Variants in KIF3C observed in about 807,000 individuals in gnomAD.
KIF3C encodes the protein kinesin family member 3C.
KIF3C carries 12 observed loss-of-function variants against 67.7 expected under a neutral mutation model. The ratio of observed to expected loss-of-function variants is 0.18; its 90% CI spans 0.11 to 0.29. The LOEUF is 0.29. Among genes scored for constraint, KIF3C ranks in the 10% least tolerant of loss-of-function variants. The pLI, the probability that KIF3C is intolerant of heterozygous loss-of-function variation, is 1.00. For missense variants in KIF3C, 789 were observed against 1,059.6 expected (o/e 0.74, Z 3.55); for synonymous variants, 393 against 426.2 (o/e 0.92, Z 0.96).
chr2:25,953,833 A>C (rs1663725043), intron 4 of KIF3C, among the ~76,000 whole-genome samples: 1 of 150,868 alleles, frequency 6.6e-6, no homozygotes, highest in Admixed American at 6.6e-5. Context: ...ATGCCCGGCT[A>C]ATTTTTGTAT....
intron 1 of KIF3C, among the ~76,000 whole-genome samples, chr2:25,970,822 T>C (rs1454151782): frequency 4.0e-5 from 6 of 151,844 alleles, no homozygotes; most frequent in Non-Finnish European, 8.8e-5. Context: ...CATTAGCTAG[T>C]GCTATAGAAA....
chr2:25,941,561 A>G (rs1165331667), intron 5 of KIF3C, among the ~76,000 whole-genome samples: 2 of 151,188 alleles, frequency 1.3e-5, no homozygotes. Context: ...CTATTTAAAA[A>G]AAAAAAAAAG....
chr2:25,929,092 G>A (rs2090436052), intron 7 of KIF3C, 21 bp from the exon 8 acceptor site: 1 of 1,602,692 alleles, frequency 6.2e-7, no homozygotes, highest in Non-Finnish European at 8.5e-7. Flanking sequence ...GATGACGCAG[G>A]CGAAAGGGGA....
intron 1 of KIF3C, among the ~76,000 whole-genome samples, chr2:25,970,698 C>G (rs1345391682): frequency 7.2e-6 from 1 of 138,688 alleles, no homozygotes; most frequent in African/African-American, 2.7e-5. Context: ...AAAAAGAACA[C>G]ATCAGAGTGG....
chr2:25,970,195 G>A (rs547543213), intron 1 of KIF3C, among the ~76,000 whole-genome samples: 1 of 152,266 alleles, frequency 6.6e-6, no homozygotes, highest in Non-Finnish European at 1.5e-5. Context: ...ACAGTGTGGA[G>A]GTGAAGATCA....
At chr2:25,931,255 G>C (rs932701730) in intron 5 of KIF3C, among the ~76,000 whole-genome samples, 23 of 151,712 alleles carry the variant, frequency 1.5e-4, no homozygotes, top group African/African-American at 5.3e-4. Context: ...TCAGTAGTTC[G>C]AGACCAGCCT....
intron 5 of KIF3C, among the ~76,000 whole-genome samples, chr2:25,933,234 G>C (rs891540149): frequency 2.0e-5 from 3 of 151,462 alleles, no homozygotes; most frequent in African/African-American, 7.3e-5. Context: ...CTGGGTGACA[G>C]AGTGAGACTC....
chr2:25,968,273 G>A (rs975003370), intron 1 of KIF3C, among the ~76,000 whole-genome samples: 1 of 152,124 alleles, frequency 6.6e-6, no homozygotes, highest in African/African-American at 2.4e-5. Flanking sequence ...CAAAAATGAC[G>A]AATGGTTCAA....
At chr2:25,948,812 A>G (rs1663518288) in intron 5 of KIF3C, among the ~76,000 whole-genome samples, 1 of 151,992 alleles carries the variant, frequency 6.6e-6, no homozygotes, top group Non-Finnish European at 1.5e-5. Context: ...CTTCAGGTAA[A>G]GCACCTGCCA....
At chr2:25,950,868 C>T (rs995573459) in intron 5 of KIF3C, among the ~76,000 whole-genome samples, 6 of 133,646 alleles carry the variant, frequency 4.5e-5, no homozygotes, top group Non-Finnish European at 9.6e-5. Flanking sequence ...TAAGAAAGAT[C>T]AAATAGGCAT....
intron 3 of KIF3C, 107 bp from the exon 4 acceptor site, chr2:25,954,492 C>T: frequency 1.3e-6 from 1 of 771,590 alleles, no homozygotes; most frequent in Non-Finnish European, 2.1e-6. Flanking sequence ...CGACTCAGCC[C>T]AGGATGAGGC....
Position 25,929,027 on chromosome 2 carries a change from G to C in KIF3C, c.2333C>G (p.Ser778Cys), listed in dbSNP as rs13030360. Residue 778 changes from serine to cysteine, a missense_variant, in exon 8 of 8, where the codon TCC becomes TGC. Coordinates refer to ENST00000264712, the MANE Select transcript of KIF3C (RefSeq NM_002254.8). ...AGGGCGCAGAGAAGCAGAGGCCAGG[G>C]AGGCATGTGTGGTGGAAGGTGGAGG... is the stretch of plus-strand genomic sequence containing the variant. ...QRPPPSTTHASLASASLRPAT... is the reference protein window; with the variant it reads ...QRPPPSTTHACLASASLRPAT... The C allele has an allele frequency of 1.8e-4, 283 of 1,613,914 alleles. No individual in the cohort carries two copies. In the Middle Eastern group the frequency reaches 8.1e-3, roughly 46 times the overall value.
rs574777122 is a variant in KIF3C, at chr2:25,977,926, G to A, written c.1545+2447C>T. ...TGTCCTAGGCTGAGTGTGATGAGAA[G>A]TCACAGGGTATGGAATCATTCCTGT... On this transcript the variant is annotated intron_variant, in intron 1 of 7. Transcript: ENST00000264712. 1.8e-4 allele frequency among the ~76,000 whole-genome samples: 27 copies of A among 152,304 alleles called. No homozygotes were observed. The East Asian group carries it at 5.0e-3, about 28-fold the overall frequency.
chr2:25,980,423 C>T lies in KIF3C; in HGVS notation c.1495G>A (p.Asp499Asn). ...LLEEKEKMLEDLRREQQATEL... is the reference protein window; with the variant it reads ...LLEEKEKMLENLRREQQATEL... ...GTGGCCTGCTGTTCCCGCCGCAGGT[C>T]CTCCAGCATCTTCTCCTTCTCCTCC... The change falls in exon 1 of 8, where the codon GAC becomes AAC. Residue 499 changes from aspartate (D) to asparagine (N), a missense_variant. Physicochemically the swap from Asp to Asn is conservative, Grantham distance 23. Coordinates refer to ENST00000264712, the MANE Select transcript of KIF3C (RefSeq NM_002254.8). The surrounding 1 kb of genome is among the most constrained non-coding windows in gnomAD (Gnocchi z 7.6). The T allele has an allele frequency of 6.2e-7, 1 of 1,614,124 alleles. No homozygotes were observed. The highest frequency in any genetic ancestry group is 8.5e-7 in the Non-Finnish European group (1 of 1,180,020).
chr2:25,951,921 A>G lies in KIF3C; in HGVS notation c.1890-16T>C. ...GATTAGGTACCTGGGAGCAGGAATGAAGGAGTGATGGGAAAATGGGTGAGC... is the reference window on the plus strand; with the variant it reads ...GATTAGGTACCTGGGAGCAGGAATGGAGGAGTGATGGGAAAATGGGTGAGC... On this transcript the variant is annotated splice_polypyrimidine_tract_variant and intron_variant, in intron 4 of 7. Coordinates refer to ENST00000264712, the MANE Select transcript of KIF3C (RefSeq NM_002254.8). The G allele has an allele frequency of 6.4e-7, 1 of 1,561,984 alleles. No individual in the cohort carries two copies. The highest frequency in any genetic ancestry group is 8.8e-7 in the Non-Finnish European group (1 of 1,133,040).
rs147174948 is a variant in KIF3C at position 25,980,690 on chromosome 2, G to A, written c.1228C>T (p.Arg410Cys). 110 of 1,613,924 alleles carry A rather than the reference G, an allele frequency of 6.8e-5. No individual in the cohort carries two copies. The highest frequency in any genetic ancestry group is 2.3e-4 in the Admixed American group (14 of 59,984). ...GGGGCGGACACGGCCTTCTTCCTGC[G>A]GCTGCTCTTCCTCCGGGGCCGCTTC... The part of the protein sequence containing the change: ...LGKRPRRKSS[R>C]RKKAVSAPPG... Residue 410 changes from arginine to cysteine, a missense_variant, in exon 1 of 8, where the codon CGC becomes TGC. By Grantham distance (180) the Arg-to-Cys change is radical (BLOSUM62 -3). Around this residue, in one of 2 missense-constraint regions of KIF3C, gnomAD observed 648 missense variants for 807.8 expected, o/e 0.80. Coordinates refer to ENST00000264712, the MANE Select transcript of KIF3C (RefSeq NM_002254.8). This position sits in a 1 kb window ranked among gnomAD's most constrained non-coding sequence, Gnocchi z 7.6.
At chr2:25,930,547 C>G (rs749191360) in intron 5 of KIF3C, among the ~76,000 whole-genome samples, 9 of 151,678 alleles carry the variant, frequency 5.9e-5, no homozygotes, top group Admixed American at 4.6e-4. Flanking sequence ...TTTATTTTTT[C>G]TTTTTTTGAG....
At chr2:25,953,442 G>A (rs190950513) in intron 4 of KIF3C, among the ~76,000 whole-genome samples, 2,024 of 145,576 alleles carry the variant, frequency 0.014, 14 homozygotes, top group Non-Finnish European at 0.021. Context: ...CTCACTGCAA[G>A]CTCTGCCTCC....
chr2:25,956,854 C>T (rs780410204), intron 1 of KIF3C, among the ~76,000 whole-genome samples: 7 of 152,176 alleles, frequency 4.6e-5, no homozygotes, highest in Non-Finnish European at 7.4e-5. Flanking sequence ...AGCTAACTGG[C>T]TTCCAACTCA....
Sources: allele counts gnomAD v4.1 joint callset (sites outside exome capture counted in the v4.1 genomes callset), GRCh38; gene constraint gnomAD v4.1.1; regional missense constraint gnomAD v4.1.1; non-coding constraint Gnocchi (gnomAD v3.1); transcripts MANE v1.5; gene names NCBI Gene and HGNC (gene_info 2026-07-23, HGNC 2026-07-21).